UBE4B: variants seen among roughly 807,000 people sequenced by gnomAD.
UBE4B encodes ubiquitin conjugation factor E4 B.
Under a neutral mutation model 148.1 loss-of-function variants are expected in UBE4B, and 27 were observed. That is an observed-to-expected ratio of 0.18 (90% CI 0.13 to 0.25). UBE4B has a LOEUF of 0.25. Among genes scored for constraint, UBE4B ranks in the 10% least tolerant of loss-of-function variants. The pLI, the probability that UBE4B is intolerant of heterozygous loss-of-function variation, is 1.00. For missense variants in UBE4B, 1,170 were observed against 1,662.4 expected (o/e 0.70, Z 5.15); for synonymous variants, 596 against 619.3 (o/e 0.96, Z 0.56).
chr1:10,174,201 C>T (rs1233558967), intron 25 of UBE4B, among the ~76,000 whole-genome samples: 2 of 151,602 alleles, frequency 1.3e-5, no homozygotes, highest in Non-Finnish European at 2.9e-5. Context: ...CGAGACCAGC[C>T]TGGCCAAGAT....
rs1167328573 is a variant in UBE4B, at chr1:10,166,962, CACACACACA to C, written c.3199-1172_3199-1164del. On this transcript the variant is annotated intron_variant, in intron 23 of 27. Coordinates refer to ENST00000343090, the MANE Select transcript of UBE4B (RefSeq NM_001105562.3). ...TAAATCACACACACACACACACACA[CACACACACA>C]AAAAAAAAAAATTAGCTGGGCATGG... Among the ~76,000 whole-genome samples the C allele has an allele frequency of 4.8e-3, 678 of 141,856 alleles. 7 individuals carry two copies. The highest frequency in any genetic ancestry group is 0.018 in the African/African-American group (638 of 34,928). The allele number at this position is 141,856 out of a possible 152,430, so 93.1% of individuals were successfully genotyped here. A position where few individuals can be genotyped will look rare whatever the true frequency, so the allele number is the denominator to read the frequency against.
chr1:10,122,700 T>C (rs1557573849), intron 10 of UBE4B, among the ~76,000 whole-genome samples: 5 of 152,258 alleles, frequency 3.3e-5, no homozygotes. Flanking sequence ...CATTGCTGTT[T>C]GAAGGACCTG....
chr1:10,035,888 C>A (rs1460950740), intron 1 of UBE4B, among the ~76,000 whole-genome samples: 1 of 150,858 alleles, frequency 6.6e-6, no homozygotes, highest in Non-Finnish European at 1.5e-5. Flanking sequence ...GGACTACAGG[C>A]GCCCGCCACC....
chr1:10,077,145 T>C (rs1644597936), intron 2 of UBE4B, among the ~76,000 whole-genome samples: 1 of 152,182 alleles, frequency 6.6e-6, no homozygotes, highest in Non-Finnish European at 1.5e-5. Context: ...CAGTATTATT[T>C]TCTCACAGTT....
intron 2 of UBE4B, among the ~76,000 whole-genome samples, chr1:10,093,542 A>C (rs1644882093): frequency 6.6e-6 from 1 of 152,166 alleles, no homozygotes; most frequent in African/African-American, 2.4e-5. Flanking sequence ...GGAATGGATA[A>C]ATGTTTTATA....
chr1:10,044,236 C>T (rs1001267921), intron 1 of UBE4B, among the ~76,000 whole-genome samples: 6 of 150,994 alleles, frequency 4.0e-5, no homozygotes, highest in African/African-American at 4.9e-5. Context: ...GTATTTTTAG[C>T]GGAGACGGGG....
At chr1:10,055,994 G>T (rs1644161100) in intron 1 of UBE4B, among the ~76,000 whole-genome samples, 1 of 152,178 alleles carries the variant, frequency 6.6e-6, no homozygotes, top group Non-Finnish European at 1.5e-5. Context: ...AATCTTGTCT[G>T]TTGAACCAAG....
intron 1 of UBE4B, among the ~76,000 whole-genome samples, chr1:10,046,006 C>T (rs910728174): frequency 4.6e-5 from 7 of 152,198 alleles, no homozygotes; most frequent in Admixed American, 2.0e-4. Flanking sequence ...GGCAGCTCTG[C>T]GCTCATTAGG....
chr1:10,076,778 C>T (rs1262846986), intron 2 of UBE4B, among the ~76,000 whole-genome samples: 1 of 130,250 alleles, frequency 7.7e-6, no homozygotes, highest in African/African-American at 3.0e-5. Context: ...TGGAGTTTCG[C>T]TCTTGTCACC....
At chr1:10,163,560 T>C (rs61782937) in intron 23 of UBE4B, among the ~76,000 whole-genome samples, 33,162 of 151,360 alleles carry the variant, frequency 0.22, 7,153 homozygotes, top group African/African-American at 0.56. Flanking sequence ...CCCAGCTACT[T>C]GAGAGGCTGA....
At chr1:10,046,264 C>T (rs770192497) in intron 1 of UBE4B, among the ~76,000 whole-genome samples, 6 of 152,164 alleles carry the variant, frequency 3.9e-5, no homozygotes, top group Non-Finnish European at 7.4e-5. Flanking sequence ...TTCAGCTATA[C>T]GTTCTCTCAC....
At chr1:10,103,397 CTCTTTATT>C (rs1389084005) in intron 5 of UBE4B, among the ~76,000 whole-genome samples, 16 of 137,572 alleles carry the variant, frequency 1.2e-4, no homozygotes, top group Admixed American at 7.4e-4. Flanking sequence ...GCATTACCTC[CTCTTTATT>C]TATTTATTTA....
chr1:10,040,393 G>A (rs780635862), intron 1 of UBE4B, among the ~76,000 whole-genome samples: 25 of 152,078 alleles, frequency 1.6e-4, no homozygotes, highest in Non-Finnish European at 2.6e-4. Context: ...ACAGGTGTCA[G>A]CTACCACGCC....
At chr1:10,125,552 A>G (rs1645479543) in intron 10 of UBE4B, among the ~76,000 whole-genome samples, 1 of 152,218 alleles carries the variant, frequency 6.6e-6, no homozygotes, top group Non-Finnish European at 1.5e-5. Context: ...CATGGAATGA[A>G]ATTAGTAGGA....
At chr1:10,054,240 G>A (rs1220703560) in intron 1 of UBE4B, among the ~76,000 whole-genome samples, 3 of 152,022 alleles carry the variant, frequency 2.0e-5, no homozygotes, top group African/African-American at 7.2e-5. Context: ...AACCAATTGA[G>A]TAATTTGTTG....
At chr1:10,113,566 A>G (rs1645256896) in intron 7 of UBE4B, among the ~76,000 whole-genome samples, 4 of 152,220 alleles carry the variant, frequency 2.6e-5, no homozygotes, top group Non-Finnish European at 5.9e-5. Context: ...ACGGTTTGTG[A>G]AAATATTTCA....
chr1:10,131,857 G>T (rs967618297), intron 14 of UBE4B, among the ~76,000 whole-genome samples: 1 of 152,134 alleles, frequency 6.6e-6, no homozygotes, highest in Non-Finnish European at 1.5e-5. Context: ...GGAGGCTGAG[G>T]CAGGAGAATC....
chr1:10,042,691 A>G (rs1570766016), intron 1 of UBE4B, among the ~76,000 whole-genome samples: 2 of 152,292 alleles, frequency 1.3e-5, no homozygotes, highest in Middle Eastern at 6.8e-3. Context: ...ATAAGGTGTC[A>G]TTTGATGAGA....
chr1:10,073,089 G>C (rs78004661), intron 2 of UBE4B: 2 of 152,254 alleles, frequency 1.3e-5, no homozygotes, highest in Admixed American at 6.5e-5. Flanking sequence ...CAAAACATCT[G>C]TTAGTAATAA....
Sources: gnomAD v4.1 joint callset for allele counts (sites outside exome capture counted in the v4.1 genomes callset) on GRCh38, gnomAD v4.1.1 for gene constraint, MANE v1.5 for transcripts, NCBI Gene and HGNC (gene_info 2026-07-23, HGNC 2026-07-21) for gene names.